Variants in MAD1L1 observed in about 807,000 individuals in gnomAD.
MAD1L1 encodes the protein mitotic arrest deficient 1 like 1.
A neutral mutation model predicts 96.9 loss-of-function variants in MAD1L1; 95 were observed. The ratio of observed to expected loss-of-function variants is 0.98; its 90% confidence interval spans 0.83 to 1.16. The LOEUF is 1.16. Among genes scored for constraint, MAD1L1 ranks in the 50% most tolerant of loss-of-function variants. MAD1L1 has a pLI of 0.00. For missense variants in MAD1L1, 1,007 were observed against 954.4 expected, an observed-to-expected ratio of 1.06 and a Z score of -0.73; for synonymous variants, 473 against 396.6, an observed-to-expected ratio of 1.19 and a Z score of -2.29.
At chr7:1,871,467 TGCCTGCCACGCTGAACCCAACCTAC>T (rs1785093191) in intron 18 of MAD1L1, among the ~76,000 whole-genome samples, 1 of 78,340 alleles carries the variant, frequency 1.3e-5, no homozygotes, top group Non-Finnish European at 2.6e-5. Context: ...ACCCAACATA[TGCCTGCCACGCTGAACCCAACCTAC>T]GCCTGCCACG....
chr7:1,936,931 C>G, intron 16 of MAD1L1, 34 bp from the exon 17 acceptor site: 1 of 1,525,082 alleles, frequency 6.6e-7, no homozygotes, highest in Non-Finnish European at 8.9e-7. Context: ...GTCACCATGG[C>G]CCAGGCACAC....
intron 4 of MAD1L1, chr7:2,223,534 G>A (rs867088174): frequency 1.3e-5 from 2 of 152,262 alleles, no homozygotes; most frequent in South Asian, 4.1e-4. Flanking sequence ...CGGAGCCCCG[G>A]GTGGAGTACG....
At chr7:1,966,560 C>CAAAAA (rs199627043) in intron 15 of MAD1L1, among the ~76,000 whole-genome samples, 237 of 9,262 alleles carry the variant, frequency 0.026, 13 homozygotes, top group African/African-American at 0.056. Context: ...CCAAACTTGG[C>CAAAAA]AAAAAAAAAA....
chr7:2,039,335 C>T (rs1225162146), intron 12 of MAD1L1, among the ~76,000 whole-genome samples: 4 of 152,216 alleles, frequency 2.6e-5, no homozygotes, highest in Non-Finnish European at 1.5e-5. Flanking sequence ...AGTCCTCTGT[C>T]GGGTTTTGTC....
At chr7:1,947,654 C>T (rs1037322599) in intron 16 of MAD1L1, among the ~76,000 whole-genome samples, 1 of 152,004 alleles carries the variant, frequency 6.6e-6, no homozygotes, top group African/African-American at 2.4e-5. Flanking sequence ...ATCTCCTGCC[C>T]GTGGCCTTGC....
chr7:2,031,019 G>A (rs765751043), intron 12 of MAD1L1, among the ~76,000 whole-genome samples: 12 of 152,190 alleles, frequency 7.9e-5, no homozygotes, highest in South Asian at 2.1e-4. Context: ...TCTGCTGGGC[G>A]ACTGGATTCG....
chr7:1,994,577 T>C (rs947814241), intron 14 of MAD1L1, among the ~76,000 whole-genome samples: 2 of 152,086 alleles, frequency 1.3e-5, no homozygotes, highest in Admixed American at 6.5e-5. Context: ...GCCCATGCCA[T>C]GGACTGTGTG....
chr7:2,192,122 GT>G (rs1562357199), intron 10 of MAD1L1, among the ~76,000 whole-genome samples: 1 of 151,676 alleles, frequency 6.6e-6, no homozygotes, highest in Admixed American at 6.6e-5. Context: ...AATCCATGGG[GT>G]TTTTTGTTTT....
Position 2,173,549 on chromosome 7 carries a change from C to T in MAD1L1, c.987-24311G>A, listed in dbSNP as rs553541133. ...CCCTGGCTCTTTAAACTGTTCAAAT[C>T]TCCTCTGGAGATGTCCATGCTCACC... On this transcript the variant is annotated intron_variant, in intron 10 of 18. Transcript: ENST00000265854. 2.6e-5 allele frequency among the ~76,000 whole-genome samples: 4 copies of T among 152,346 alleles called. No individual in the cohort carries two copies. In the East Asian group the frequency reaches 7.7e-4, roughly 29 times the overall value.
intron 17 of MAD1L1, among the ~76,000 whole-genome samples, chr7:1,920,026 CGGAG>C (rs1788678413): frequency 2.6e-5 from 4 of 151,646 alleles, no homozygotes; most frequent in Admixed American, 2.0e-4. Flanking sequence ...CCCAGTGACA[CGGAG>C]GTCCCCAGGA....
chr7:1,827,497 G>A (rs1441204046), intron 18 of MAD1L1, among the ~76,000 whole-genome samples: 2 of 135,136 alleles, frequency 1.5e-5, no homozygotes, highest in African/African-American at 2.7e-5. Context: ...TCCTGAGCCC[G>A]TCCCGGGTGT....
intron 15 of MAD1L1, among the ~76,000 whole-genome samples, chr7:1,969,691 A>G (rs1240379552): frequency 6.6e-6 from 1 of 152,238 alleles, no homozygotes; most frequent in Admixed American, 6.5e-5. Flanking sequence ...AAGTCAACAC[A>G]CAAAAGATCA....
intron 15 of MAD1L1, among the ~76,000 whole-genome samples, chr7:1,976,495 G>A (rs915151989): frequency 4.1e-4 from 62 of 152,200 alleles, no homozygotes; most frequent in African/African-American, 1.5e-3. Context: ...TGAAGCTGCA[G>A]ACCTTCGTGG....
chr7:1,926,180 TA>T (rs796231304), intron 17 of MAD1L1, among the ~76,000 whole-genome samples: 13 of 151,744 alleles, frequency 8.6e-5, no homozygotes, highest in Non-Finnish European at 1.6e-4. Flanking sequence ...TTCCTCACAA[TA>T]AAAAAAACCC....
intron 18 of MAD1L1, among the ~76,000 whole-genome samples, chr7:1,851,074 GAAGT>G (rs1341001050): frequency 5.9e-5 from 9 of 152,230 alleles, no homozygotes; most frequent in African/African-American, 2.2e-4. Context: ...GGGAGGGCAG[GAAGT>G]AAGCCCACAG....
At chr7:1,855,283 G>T (rs1784186946) in intron 18 of MAD1L1, among the ~76,000 whole-genome samples, 1 of 152,028 alleles carries the variant, frequency 6.6e-6, no homozygotes, top group South Asian at 2.1e-4. Flanking sequence ...TCAAACGGTT[G>T]CGGGCCACAC....
intron 12 of MAD1L1, among the ~76,000 whole-genome samples, chr7:2,037,392 T>C (rs745743782): frequency 2.0e-5 from 3 of 152,238 alleles, no homozygotes; most frequent in Non-Finnish European, 4.4e-5. Context: ...ACACAGATAC[T>C]GTGCTTCTTA....
chr7:1,851,481 T>G (rs1783975059), intron 18 of MAD1L1, among the ~76,000 whole-genome samples: 1 of 152,136 alleles, frequency 6.6e-6, no homozygotes, highest in South Asian at 2.1e-4. Context: ...AAGCCCCTGA[T>G]GAACTGTGCG....
intron 18 of MAD1L1, among the ~76,000 whole-genome samples, chr7:1,843,878 C>T (rs1783427593): frequency 6.6e-6 from 1 of 152,222 alleles, no homozygotes; most frequent in Non-Finnish European, 1.5e-5. Context: ...AACCTCCCCT[C>T]GGCTGTCAGC....
Sources: gnomAD v4.1 joint callset for allele counts (sites outside exome capture counted in the v4.1 genomes callset) on GRCh38, gnomAD v4.1.1 for gene constraint, MANE v1.5 for transcripts, NCBI Gene and HGNC (gene_info 2026-07-23, HGNC 2026-07-21) for gene names.